C12orf42: variants seen among roughly 807,000 people sequenced by gnomAD.
C12orf42 encodes chromosome 12 open reading frame 42.
Under a neutral mutation model 21.6 loss-of-function variants are expected in C12orf42, and 25 were observed. That is an observed-to-expected ratio of 1.16 (90% confidence interval 0.84 to 1.62). The LOEUF is 1.62. C12orf42 is among the 40% of genes most tolerant of loss of function. C12orf42 has a pLI of 0.00. For synonymous variants in C12orf42, 174 were observed against 175.0 expected, an observed-to-expected ratio of 0.99 and a Z score of 0.05; for missense variants, 483 against 459.3, an observed-to-expected ratio of 1.05 and a Z score of -0.47.
At chr12:103,551,827 C>CAAT in the C12orf42 span, among the ~76,000 whole-genome samples, 1 of 151,036 alleles carries the variant, frequency 6.6e-6, no homozygotes, top group African/African-American at 2.4e-5. Context: ...AAACTAATAA[C>CAAT]AATAATAATA....
Position 103,363,457 on chromosome 12 carries a change from C to A in C12orf42, c.259+5430G>T, listed in dbSNP as rs138941140. 8.2e-4 allele frequency among the ~76,000 whole-genome samples: 124 copies of A among 152,114 alleles called. 1 individual carries two copies. Among genetic ancestry groups the A allele is most frequent in the African/African-American group, 2.5e-3 (105 of 41,554 alleles). ...ATTAAAAAAGACCAAGGTATACAGGCAATGAATAGCACAATTAATGGATTA... is the reference window on the plus strand; with the variant it reads ...ATTAAAAAAGACCAAGGTATACAGGAAATGAATAGCACAATTAATGGATTA... On this transcript the variant is annotated intron_variant, in intron 4 of 5. Transcript: ENST00000548883.
chr12:103,353,735 G>T (rs772214041), intron 4 of C12orf42, among the ~76,000 whole-genome samples: 8 of 152,174 alleles, frequency 5.3e-5, no homozygotes, highest in Non-Finnish European at 1.0e-4. Flanking sequence ...TCACCAACAG[G>T]AGGGATGGAA....
At chr12:103,240,373 C>A (rs1830556560) in intron 10 of C12orf42, among the ~76,000 whole-genome samples, 1 of 152,126 alleles carries the variant, frequency 6.6e-6, no homozygotes, top group Non-Finnish European at 1.5e-5. Context: ...ATTGTCATCA[C>A]CCTTAGTAAA....
At chr12:103,286,357 G>C (rs900873446) in intron 4 of C12orf42, among the ~76,000 whole-genome samples, 1 of 151,622 alleles carries the variant, frequency 6.6e-6, no homozygotes. Context: ...ATAGAGTGGA[G>C]TTACTAGCAC....
chr12:103,263,534 C>T (rs1176043327), intron 9 of C12orf42, among the ~76,000 whole-genome samples: 1 of 152,090 alleles, frequency 6.6e-6, no homozygotes, highest in Non-Finnish European at 1.5e-5. Context: ...GCCCTGAATG[C>T]TCCAAGGAGA....
chr12:103,256,193 C>T (rs373749419), intron 10 of C12orf42, among the ~76,000 whole-genome samples: 18 of 134,178 alleles, frequency 1.3e-4, no homozygotes, highest in South Asian at 4.7e-4. Flanking sequence ...TATATATACA[C>T]ATATATATAT....
the C12orf42 span, among the ~76,000 whole-genome samples, chr12:103,223,790 C>A: frequency 6.6e-6 from 1 of 152,108 alleles, no homozygotes; most frequent in Non-Finnish European, 1.5e-5. Flanking sequence ...ATGGGCTGTA[C>A]CCTGTAGCAT....
chr12:103,494,724 T>G (rs1338424364), intron 1 of C12orf42, among the ~76,000 whole-genome samples: 1 of 152,230 alleles, frequency 6.6e-6, no homozygotes, highest in Non-Finnish European at 1.5e-5. Context: ...ATGTGACAGC[T>G]ATGAAGTTAG....
intron 1 of C12orf42, among the ~76,000 whole-genome samples, chr12:103,481,552 C>T (rs1954471054): frequency 6.6e-6 from 1 of 151,856 alleles, no homozygotes; most frequent in East Asian, 1.9e-4. Context: ...GCTACAATTT[C>T]CTGGGGGTTT....
intron 4 of C12orf42, among the ~76,000 whole-genome samples, chr12:103,334,572 AC>A (rs2041523702): frequency 6.6e-6 from 1 of 152,166 alleles, no homozygotes; most frequent in East Asian, 1.9e-4. Context: ...TGTTATTTTC[AC>A]ATACCATGTG....
chr12:103,228,811 A>G, the C12orf42 span, among the ~76,000 whole-genome samples: 1 of 151,660 alleles, frequency 6.6e-6, no homozygotes, highest in Non-Finnish European at 1.5e-5. Context: ...ACATCAAGCC[A>G]CTAATATAAT....
chr12:103,147,504 T>TTTTTTTTTTTTTTTTTTTTTTTTC, the C12orf42 span, among the ~76,000 whole-genome samples: 1 of 28,404 alleles, frequency 3.5e-5, no homozygotes, highest in African/African-American at 5.4e-4. Flanking sequence ...TTTTTTTTTC[T>TTTTTTTTTTTTTTTTTTTTTTTTC]TTTTTTTTTT....
At chr12:103,557,149 A>T in the C12orf42 span, among the ~76,000 whole-genome samples, 3 of 152,198 alleles carry the variant, frequency 2.0e-5, no homozygotes, top group South Asian at 6.2e-4. Flanking sequence ...ACAATCTTCA[A>T]TTCCAAGAAA....
chr12:103,344,087 G>A (rs1297172077), intron 4 of C12orf42, among the ~76,000 whole-genome samples: 1 of 152,160 alleles, frequency 6.6e-6, no homozygotes, highest in Non-Finnish European at 1.5e-5. Flanking sequence ...CACCTGATAT[G>A]ACCAAATTAG....
At chr12:103,294,896 G>A (rs1486737304) in intron 4 of C12orf42, among the ~76,000 whole-genome samples, 1 of 151,990 alleles carries the variant, frequency 6.6e-6, no homozygotes, top group African/African-American at 2.4e-5. Context: ...TATTTTTCCT[G>A]ATCCTCTCCC....
At position 103,463,161 on chromosome 12, in the gene C12orf42, G is replaced by A. The variant is rs555173068; in HGVS notation, c.78+15188C>T. On this transcript the variant is annotated intron_variant, in intron 2 of 5. Coordinates refer to ENST00000548883, the MANE Select transcript of C12orf42 (RefSeq NM_198521.5). ...ACACATAGTAAGTGCTTAGTAACTC[G>A]TAGCTATTGGACTATTACAGGGCCA... Among the ~76,000 whole-genome samples the A allele has an allele frequency of 6.6e-5, 10 of 152,274 alleles. No individual in the cohort carries two copies. In the East Asian group the frequency reaches 1.4e-3, roughly 21 times the overall value.
chr12:103,429,223 T>C (rs1444264508), intron 2 of C12orf42, among the ~76,000 whole-genome samples: 8 of 152,194 alleles, frequency 5.3e-5, no homozygotes, highest in African/African-American at 9.7e-5. Context: ...GAAAACCCCA[T>C]TGTCTCAGCC....
intron 2 of C12orf42, among the ~76,000 whole-genome samples, chr12:103,443,031 A>G (rs1951353761): frequency 6.6e-6 from 1 of 152,078 alleles, no homozygotes; most frequent in African/African-American, 2.4e-5. Context: ...GGAAGACGGG[A>G]AAAAAAGGAA....
At chr12:103,433,568 G>A (rs1049059259) in intron 2 of C12orf42, among the ~76,000 whole-genome samples, 12 of 152,144 alleles carry the variant, frequency 7.9e-5, no homozygotes, top group Non-Finnish European at 1.0e-4. Flanking sequence ...TAAAATGACA[G>A]GGAATAGAAG....
Sources: allele counts gnomAD v4.1 joint callset (sites outside exome capture counted in the v4.1 genomes callset), GRCh38; gene constraint gnomAD v4.1.1; transcripts MANE v1.5; gene names NCBI Gene and HGNC (gene_info 2026-07-23, HGNC 2026-07-21).